The following TAFA5 variants were observed in gnomAD, a reference collection of about 807,000 sequenced individuals.
The protein encoded by TAFA5 is TAFA chemokine like family member 5.
TAFA5 carries 6 observed loss-of-function variants against 15.3 expected under a neutral mutation model. That is an observed-to-expected ratio of 0.39 (90% CI 0.21 to 0.77). TAFA5 has a LOEUF of 0.77. Ranked by LOEUF, TAFA5 falls within the 30% of genes least tolerant of loss-of-function variation. TAFA5 has a pLI of 0.41. For missense variants in TAFA5, 161 were observed against 193.1 expected, an observed-to-expected ratio of 0.83 and a Z score of 0.98; for synonymous variants, 103 against 80.7, an observed-to-expected ratio of 1.28 and a Z score of -1.48.
rs144329717 is a variant in TAFA5, at chr22:48,534,383, C to T, written c.112+44679C>T. The stretch of plus-strand genomic sequence containing the variant: ...GGCAGGCAGGTGAGATGGGGCCGGG[C>T]GTTCCTCCGGGGGTCTGCAGAGGAC... On this transcript the variant is annotated intron_variant, in intron 1 of 3. Transcript: ENST00000402357. 2.3e-3 allele frequency among the ~76,000 whole-genome samples: 357 copies of T among 152,180 alleles called. 1 individual carries two copies. The highest frequency in any genetic ancestry group is 1.9e-3 in the Non-Finnish European group (131 of 67,990).
chr22:48,518,988 G>T (rs1921513595), intron 1 of TAFA5, among the ~76,000 whole-genome samples: 1 of 152,140 alleles, frequency 6.6e-6, no homozygotes, highest in African/African-American at 2.4e-5. Context: ...CACCCTGGAG[G>T]GAGGGCTCAC....
intron 2 of TAFA5, among the ~76,000 whole-genome samples, chr22:48,690,950 G>A (rs566735743): frequency 2.6e-5 from 4 of 152,206 alleles, no homozygotes; most frequent in African/African-American, 9.6e-5. Context: ...TCTGGATGGG[G>A]TCCAGAGAGC....
intron 1 of TAFA5, among the ~76,000 whole-genome samples, chr22:48,591,688 G>T (rs1924573268): frequency 6.6e-6 from 1 of 151,922 alleles, no homozygotes; most frequent in Admixed American, 6.6e-5. Context: ...CGGAGCCTGG[G>T]CCTGACCCTG....
intron 1 of TAFA5, among the ~76,000 whole-genome samples, chr22:48,564,565 C>T (rs1371472151): frequency 1.3e-5 from 2 of 152,330 alleles, no homozygotes; most frequent in African/African-American, 4.8e-5. Flanking sequence ...AAAAGGTACA[C>T]ACCATGGGCT....
chr22:48,743,532 G>A (rs1189528891), intron 3 of TAFA5, among the ~76,000 whole-genome samples: 1 of 152,204 alleles, frequency 6.6e-6, no homozygotes, highest in African/African-American at 2.4e-5. Context: ...TGTTACTGTA[G>A]AACACAGTTC....
intron 2 of TAFA5, chr22:48,693,297 T>A: frequency 6.2e-7 from 1 of 1,603,952 alleles, no homozygotes; most frequent in South Asian, 1.1e-5. Flanking sequence ...TCCCAGAAAT[T>A]TGCCCTAAGA....
Position 48,609,003 on chromosome 22 carries a change from C to T in TAFA5, c.113-37594C>T, listed in dbSNP as rs866930658. Among the ~76,000 whole-genome samples, 22 of 152,290 alleles carry T rather than the reference C, an allele frequency of 1.4e-4. No homozygotes were observed. In the Middle Eastern group the frequency reaches 0.014, roughly 94 times the overall value. On this transcript the variant is annotated intron_variant, in intron 1 of 3. Coordinates refer to ENST00000402357, the MANE Select transcript of TAFA5 (RefSeq NM_001082967.3). ...GCGTGGGCAGGTGCTTATTCTTACA[C>T]GTCAAGTGGGTTGGGTTCATTTGAG... is the stretch of plus-strand genomic sequence containing the variant.
intron 2 of TAFA5, among the ~76,000 whole-genome samples, chr22:48,706,217 C>A (rs574905259): frequency 6.6e-6 from 1 of 152,188 alleles, no homozygotes; most frequent in African/African-American, 2.4e-5. Context: ...AAACATTGAG[C>A]CCCAGGAAGG....
intron 2 of TAFA5, among the ~76,000 whole-genome samples, chr22:48,689,564 C>T (rs1466361905): frequency 6.6e-6 from 1 of 152,168 alleles, no homozygotes; most frequent in Non-Finnish European, 1.5e-5. Flanking sequence ...TGAGATGTTG[C>T]TCAATCTTGA....
chr22:48,582,288 C>T (rs1215867503), intron 1 of TAFA5, among the ~76,000 whole-genome samples: 1 of 152,010 alleles, frequency 6.6e-6, no homozygotes, highest in African/African-American at 2.4e-5. Flanking sequence ...CCATATGCTG[C>T]ACACCACATA....
intron 1 of TAFA5, among the ~76,000 whole-genome samples, chr22:48,608,652 A>G (rs981255434): frequency 2.0e-5 from 3 of 152,144 alleles, no homozygotes; most frequent in African/African-American, 4.8e-5. Context: ...CTTGGCGCCA[A>G]TCCTGGTGAG....
chr22:48,609,757 G>A (rs1183558949), intron 1 of TAFA5, among the ~76,000 whole-genome samples: 1 of 152,192 alleles, frequency 6.6e-6, no homozygotes, highest in Non-Finnish European at 1.5e-5. Flanking sequence ...TGGCATCAGG[G>A]CCCCGCAGGT....
intron 1 of TAFA5, among the ~76,000 whole-genome samples, chr22:48,614,931 A>C (rs1213133899): frequency 6.6e-6 from 1 of 152,142 alleles, no homozygotes; most frequent in Non-Finnish European, 1.5e-5. Flanking sequence ...CCTCCCAGTC[A>C]CCGGGGCCAG....
At chr22:48,600,844 A>G (rs1308515947) in intron 1 of TAFA5, among the ~76,000 whole-genome samples, 9 of 152,184 alleles carry the variant, frequency 5.9e-5, no homozygotes, top group Non-Finnish European at 1.5e-5. Context: ...CTTGGGAGCC[A>G]GGGCGGTTAC....
At chr22:48,602,145 C>T (rs1375360960) in intron 1 of TAFA5, among the ~76,000 whole-genome samples, 4 of 152,234 alleles carry the variant, frequency 2.6e-5, no homozygotes, top group Non-Finnish European at 5.9e-5. Flanking sequence ...GCCCTCCCTC[C>T]TCCGCATCTT....
intron 2 of TAFA5, among the ~76,000 whole-genome samples, chr22:48,660,414 T>G (rs1333962908): frequency 6.6e-6 from 1 of 152,254 alleles, no homozygotes; most frequent in African/African-American, 2.4e-5. Flanking sequence ...ATTTCATTTT[T>G]TTATGGGGCT....
Position 48,562,292 on chromosome 22 carries a change from T to C in TAFA5, c.112+72588T>C, listed in dbSNP as rs113848613. ...AGCTGGGACTACAGGCGCCCGCCACTATGCCCGGCTAATTTTTTTGTATTT... is the reference window on the plus strand; with the variant it reads ...AGCTGGGACTACAGGCGCCCGCCACCATGCCCGGCTAATTTTTTTGTATTT... On this transcript the variant is annotated intron_variant, in intron 1 of 3. Coordinates refer to ENST00000402357, the MANE Select transcript of TAFA5 (RefSeq NM_001082967.3). Among the ~76,000 whole-genome samples the C allele has an allele frequency of 4.2e-3, 641 of 152,214 alleles. 2 individuals are homozygous for C. Among genetic ancestry groups the C allele is most frequent in the African/African-American group, 0.015 (612 of 41,548 alleles).
chr22:48,498,519 A>G (rs1424294100), intron 1 of TAFA5, among the ~76,000 whole-genome samples: 1 of 152,036 alleles, frequency 6.6e-6, no homozygotes, highest in African/African-American at 2.4e-5. Flanking sequence ...GAAAACTCAA[A>G]CCCTCCTTTT....
At chr22:48,545,356 A>G (rs1010286570) in intron 1 of TAFA5, 1 of 210,390 alleles carries the variant, frequency 4.8e-6, no homozygotes, top group Non-Finnish European at 9.7e-6. Flanking sequence ...CACTGTTGTG[A>G]TTGCAATTAT....
Sources: allele counts gnomAD v4.1 joint callset (sites outside exome capture counted in the v4.1 genomes callset), GRCh38; gene constraint gnomAD v4.1.1; transcripts MANE v1.5; gene names NCBI Gene and HGNC (gene_info 2026-07-23, HGNC 2026-07-21).